The following COL4A6 variants were observed in gnomAD, a reference collection of about 807,000 sequenced individuals.
COL4A6 encodes collagen type IV alpha 6 chain.
A neutral mutation model predicts 126.7 loss-of-function variants in COL4A6; 59 were observed. That is an observed-to-expected ratio of 0.47 (90% CI 0.38 to 0.58). The LOEUF is 0.58. Among genes scored for constraint, COL4A6 ranks in the 20% least tolerant of loss-of-function variants. The pLI is 0.00. For missense variants in COL4A6, 1,285 were observed against 1,337.3 expected, an observed-to-expected ratio of 0.96 and a Z score of 0.61; for synonymous variants, 547 against 496.6, an observed-to-expected ratio of 1.10 and a Z score of -1.35.
intron 2 of COL4A6, among the ~76,000 whole-genome samples, chrX:108,408,857 A>T (rs900367441): frequency 2.7e-5 from 3 of 111,493 alleles, no homozygotes; most frequent in African/African-American, 9.8e-5. Flanking sequence ...GCTACTCAGG[A>T]GGCTGAGGCA....
chrX:108,423,665 G>T (rs910444054), intron 2 of COL4A6, among the ~76,000 whole-genome samples: 1 of 111,527 alleles, frequency 9.0e-6, no homozygotes, highest in African/African-American at 3.3e-5. Flanking sequence ...CACCTACAAA[G>T]CACTGATTGC....
rs1047119107 is a variant in COL4A6, at chrX:108,167,494, C to T, written c.3691+2001G>A. 8.1e-5 allele frequency among the ~76,000 whole-genome samples: 9 copies of T among 110,740 alleles called. No individual in the cohort carries two copies. In the South Asian group the frequency reaches 1.5e-3, roughly 19 times the overall value. ...GGGATTACAGGCGCACACCACTATG[C>T]CCTGCTAATTTTTGTATTTTTTGTA... On this transcript the variant is annotated intron_variant, in intron 37 of 44. Transcript: ENST00000334504.
In COL4A6 at chrX:108,172,532, C is replaced by T; in HGVS notation, c.3139G>A (p.Gly1047Ser). 1 of 1,200,013 alleles carries T rather than the reference C, an allele frequency of 8.3e-7. No homozygotes were observed. Among genetic ancestry groups the T allele is most frequent in the Non-Finnish European group, 1.1e-6 (1 of 887,983 alleles). ...GGCGACCCTCTGATACCTTGTGAAC[C>T]CTTCGAAGCAATATGGGAATCATCA... ...TGFPGMPGES[G>S]SQGIRGSPGL... Residue 1047 changes from glycine (G) to serine (S), a missense_variant and splice_region_variant, in exon 32 of 45, where the codon GGT becomes AGT. Gly to Ser is a moderately conservative substitution (Grantham distance 56). Coordinates refer to ENST00000334504, the MANE Select transcript of COL4A6 (RefSeq NM_033641.4).
chrX:108,370,813 T>A (rs1462849639), intron 2 of COL4A6, among the ~76,000 whole-genome samples: 1 of 111,299 alleles, frequency 9.0e-6, no homozygotes, highest in African/African-American at 3.3e-5. Context: ...CAGCACATAG[T>A]ATGTGTTGTT....
rs188871162 is a variant in COL4A6, at chrX:108,216,257, A to C, written c.325-2029T>G. Among the ~76,000 whole-genome samples, 755 of 111,989 alleles carry C rather than the reference A, an allele frequency of 6.7e-3. 7 individuals carry two copies. Among genetic ancestry groups the C allele is most frequent in the African/African-American group, 0.023 (715 of 30,815 alleles). On this transcript the variant is annotated intron_variant, in intron 5 of 44. Coordinates refer to ENST00000334504, the MANE Select transcript of COL4A6 (RefSeq NM_033641.4). ...GAAATAAATCTTTGACCTCTGACTCAGATCTATCAGCCCCTTTTCATCCAG... is the reference window on the plus strand; with the variant it reads ...GAAATAAATCTTTGACCTCTGACTCCGATCTATCAGCCCCTTTTCATCCAG...
chrX:108,220,120 A>C (rs1472580129), intron 4 of COL4A6, among the ~76,000 whole-genome samples: 3 of 111,763 alleles, frequency 2.7e-5, no homozygotes, highest in African/African-American at 9.8e-5. Flanking sequence ...TATCAAATGG[A>C]CCAGGTGCAA....
chrX:108,295,592 T>C (rs1054502235), intron 3 of COL4A6, among the ~76,000 whole-genome samples: 4 of 112,750 alleles, frequency 3.5e-5, no homozygotes, highest in Non-Finnish European at 5.6e-5. Flanking sequence ...TGGTTGCTTA[T>C]GCAAATCGGA....
intron 3 of COL4A6, among the ~76,000 whole-genome samples, chrX:108,274,115 T>C (rs887093298): frequency 1.8e-5 from 2 of 111,355 alleles, no homozygotes; most frequent in Non-Finnish European, 3.8e-5. Context: ...TATTATTAAT[T>C]AGGTATGATG....
At chrX:108,208,134 T>A (rs913266966) in intron 8 of COL4A6, among the ~76,000 whole-genome samples, 3 of 112,176 alleles carry the variant, frequency 2.7e-5, no homozygotes, top group Non-Finnish European at 5.6e-5. Context: ...GACATAACAA[T>A]CTTAGATGCC....
intron 3 of COL4A6, among the ~76,000 whole-genome samples, chrX:108,289,242 AGTGTGTGT>A (rs34639525): frequency 5.7e-4 from 52 of 91,326 alleles, no homozygotes; most frequent in African/African-American, 1.4e-3. Context: ...CAATGAGTAT[AGTGTGTGT>A]GTGTGTGTGT....
intron 2 of COL4A6, among the ~76,000 whole-genome samples, chrX:108,331,451 C>T (rs1318557380): frequency 8.9e-6 from 1 of 112,060 alleles, no homozygotes; most frequent in African/African-American, 3.2e-5. Context: ...GTACTGAATA[C>T]TTCAGGCAAT....
intron 3 of COL4A6, among the ~76,000 whole-genome samples, chrX:108,237,621 A>G (rs966401715): frequency 8.9e-6 from 1 of 111,940 alleles, no homozygotes; most frequent in Admixed American, 9.5e-5. Context: ...TCACTTAAAA[A>G]TTTTGGGGGA....
intron 5 of COL4A6, 62 bp from the exon 6 acceptor site, chrX:108,214,290 T>TGA: frequency 1.2e-6 from 1 of 836,825 alleles, no homozygotes; most frequent in Non-Finnish European, 1.7e-6. Flanking sequence ...TCTAAATGGC[T>TGA]CCACAGCGAG....
At chrX:108,393,413 T>G (rs1028968564) in intron 2 of COL4A6, among the ~76,000 whole-genome samples, 2 of 112,173 alleles carry the variant, frequency 1.8e-5, no homozygotes, top group African/African-American at 6.5e-5. Context: ...TTCATTTATA[T>G]GAAATGCTCA....
chrX:108,255,235 T>C (rs1266757), intron 3 of COL4A6, among the ~76,000 whole-genome samples: 13 of 83,345 alleles, frequency 1.6e-4, no homozygotes, highest in Non-Finnish European at 2.1e-4. Context: ...CAAATGGAAG[T>C]GGGGGGGCTA....
At chrX:108,346,568 A>C (rs1356140863) in intron 2 of COL4A6, among the ~76,000 whole-genome samples, 2 of 112,160 alleles carry the variant, frequency 1.8e-5, no homozygotes, top group Non-Finnish European at 3.8e-5. Flanking sequence ...ATATGTAATT[A>C]AGTCCTCACT....
chrX:108,272,405 A>G (rs2037474637), intron 3 of COL4A6, among the ~76,000 whole-genome samples: 1 of 111,786 alleles, frequency 8.9e-6, no homozygotes, highest in Non-Finnish European at 1.9e-5. Context: ...GCTGGTACCT[A>G]GAACACTGAT....
chrX:108,406,391 C>T lies in COL4A6; in HGVS notation c.63+31551G>A, dbSNP rs755984982. On this transcript the variant is annotated intron_variant, in intron 2 of 44. Coordinates refer to ENST00000334504, the MANE Select transcript of COL4A6 (RefSeq NM_033641.4). ...TCACCCAACATTTCTACTAACCTTC[C>T]GGTATCCACCATTATACTAGAATCT... Among the ~76,000 whole-genome samples the T allele has an allele frequency of 8.9e-5, 10 of 112,464 alleles. No homozygotes were observed. In the South Asian group the frequency reaches 3.0e-3, roughly 33 times the overall value.
intron 2 of COL4A6, among the ~76,000 whole-genome samples, chrX:108,432,223 C>A (rs1488436508): frequency 1.8e-5 from 2 of 111,861 alleles, no homozygotes; most frequent in Non-Finnish European, 3.8e-5. Flanking sequence ...GAATACAGTT[C>A]AACTACTTAT....
Sources: allele counts gnomAD v4.1 joint callset (sites outside exome capture counted in the v4.1 genomes callset), GRCh38; gene constraint gnomAD v4.1.1; transcripts MANE v1.5; gene names NCBI Gene and HGNC (gene_info 2026-07-23, HGNC 2026-07-21).